The following EDNRB variants were observed in gnomAD, a reference collection of about 807,000 sequenced individuals.
The protein encoded by EDNRB is Hirschsprung disease 2.
EDNRB carries 18 observed loss-of-function variants against 46.4 expected under a neutral mutation model. The ratio of observed to expected loss-of-function variants is 0.39; its 90% CI spans 0.27 to 0.57. The LOEUF (loss-of-function observed/expected upper bound fraction) is 0.57. Among genes scored for constraint, EDNRB ranks in the 20% least tolerant of loss-of-function variants. EDNRB has a pLI of 0.61. For synonymous variants in EDNRB, 213 were observed against 204.9 expected, an observed-to-expected ratio of 1.04 and a Z score of -0.34; for missense variants, 434 against 537.5, an observed-to-expected ratio of 0.81 and a Z score of 1.90.
intron 1 of EDNRB, among the ~76,000 whole-genome samples, chr13:77,964,476 T>TA (rs1372558727): frequency 2.3e-4 from 35 of 152,294 alleles, no homozygotes; most frequent in Non-Finnish European, 4.0e-4. Context: ...ATGTCCTTTG[T>TA]TGAGACATGG....
At chr13:77,949,633 A>G (rs1308390593) in intron 1 of EDNRB, among the ~76,000 whole-genome samples, 1 of 152,138 alleles carries the variant, frequency 6.6e-6, no homozygotes, top group Non-Finnish European at 1.5e-5. Context: ...CCGCTTGGGG[A>G]TGAAAGAAAA....
chr13:77,935,705 C>T (rs1880541157), intron 1 of EDNRB, among the ~76,000 whole-genome samples: 1 of 152,170 alleles, frequency 6.6e-6, no homozygotes, highest in South Asian at 2.1e-4. Flanking sequence ...TGCGGCAGTA[C>T]AGCCCAGGTA....
At chr13:77,958,712 T>C (rs1039781346) in intron 1 of EDNRB, among the ~76,000 whole-genome samples, 3 of 152,166 alleles carry the variant, frequency 2.0e-5, no homozygotes, top group African/African-American at 7.2e-5. Context: ...TTGAGAACCT[T>C]TGCTTTATAT....
chr13:77,918,123 T>C lies in EDNRB; in HGVS notation c.451A>G (p.Ile151Val), dbSNP rs769924328. 3.1e-6 allele frequency: 5 copies of C among 1,614,102 alleles called. No homozygotes were observed. The highest frequency in any genetic ancestry group is 2.2e-5 in the South Asian group (2 of 91,088). ...ASLALGDLLH[I>V]VIDIPINVYK... ...ACATTGATAGGGATGTCAATGACGA[T>C]GTGCAGCAGGTCTCCCAGAGCCAAG... The change falls in exon 1 of 7, where the codon ATC (isoleucine) becomes GTC (valine). Residue 151 changes from isoleucine (I) to valine (V), a missense_variant. Transcript: ENST00000646607. This position sits in a 1 kb window ranked among gnomAD's most constrained non-coding sequence, Gnocchi z 4.5.
chr13:77,950,302 G>A (rs1010700831), intron 1 of EDNRB, among the ~76,000 whole-genome samples: 3 of 152,318 alleles, frequency 2.0e-5, no homozygotes, highest in South Asian at 4.1e-4. Flanking sequence ...AGTGGACAAA[G>A]GTTTCCCTTT....
chr13:77,970,783 G>A (rs1344312919), intron 1 of EDNRB, among the ~76,000 whole-genome samples: 2 of 151,868 alleles, frequency 1.3e-5, no homozygotes, highest in Non-Finnish European at 2.9e-5. Context: ...TTTTTTTAGG[G>A]TTCCAGTACA....
intron 1 of EDNRB, among the ~76,000 whole-genome samples, chr13:77,911,885 A>G (rs1170692644): frequency 2.6e-5 from 4 of 152,152 alleles, no homozygotes; most frequent in African/African-American, 4.8e-5. Flanking sequence ...TTAACTGTGC[A>G]AAGTCCTGAA....
chr13:77,896,248 A>G lies in EDNRB; in HGVS notation c.*1952T>C, dbSNP rs368094735. 17 of 371,506 alleles carry G rather than the reference A, an allele frequency of 4.6e-5. No individual in the cohort carries two copies. In the South Asian group the frequency reaches 1.5e-3, roughly 33 times the overall value. The allele number at this position is 371,506 out of a possible 1,614,324, so 23.0% of individuals were successfully genotyped here. A position where few individuals can be genotyped will look rare whatever the true frequency, so the allele number is the denominator to read the frequency against. On this transcript the variant is annotated 3_prime_UTR_variant, in exon 7 of 7. Coordinates refer to ENST00000646607, the MANE Select transcript of EDNRB (RefSeq NM_001122659.3). ...GGATGTAAAAATTCAGTACATGGTA[A>G]TAAAAATAATCTAAAATTTAAATAG...
intron 1 of EDNRB, among the ~76,000 whole-genome samples, chr13:77,964,693 G>T (rs1004533187): frequency 6.6e-6 from 1 of 152,036 alleles, no homozygotes; most frequent in Non-Finnish European, 1.5e-5. Context: ...AGAGTTAATG[G>T]GTGTAGCACA....
chr13:77,934,422 G>A (rs1478620484), intron 1 of EDNRB, among the ~76,000 whole-genome samples: 1 of 152,096 alleles, frequency 6.6e-6, no homozygotes, highest in Non-Finnish European at 1.5e-5. Context: ...AAAACTGCTT[G>A]GCTGATTTGA....
chr13:77,918,589 A>G lies in EDNRB; in HGVS notation c.-16T>C. The G allele has an allele frequency of 6.3e-7, 1 of 1,582,228 alleles. No individual in the cohort carries two copies. Among genetic ancestry groups the G allele is most frequent in the Non-Finnish European group, 8.5e-7 (1 of 1,171,150 alleles). ...GCGGCTGCATGCTGCTACCTGCTCC[A>G]GAAGGCGTCCGGTGGCCGCTCCGCA... is the stretch of plus-strand genomic sequence containing the variant. On this transcript the variant is annotated 5_prime_UTR_variant, in exon 1 of 7. Coordinates refer to ENST00000646607, the MANE Select transcript of EDNRB (RefSeq NM_001122659.3). This position sits in a 1 kb window ranked among gnomAD's most constrained non-coding sequence, Gnocchi z 4.5.
chr13:77,899,411 C>G, intron 6 of EDNRB: 1 of 79,708 alleles, frequency 1.3e-5, no homozygotes, highest in South Asian at 2.3e-4. Context: ...GAGGTAAAAC[C>G]TAAACTATTT....
At chr13:77,950,439 G>T (rs1334684840) in intron 1 of EDNRB, among the ~76,000 whole-genome samples, 1 of 152,202 alleles carries the variant, frequency 6.6e-6, no homozygotes, top group African/African-American at 2.4e-5. Flanking sequence ...AGAACATTCA[G>T]GTGGGCTGAA....
In EDNRB at chr13:77,903,181, G is replaced by T; in HGVS notation, c.776C>A (p.Pro259His). Residue 259 changes from proline (P) to histidine (H), a missense_variant, in exon 3 of 7, where the codon CCC becomes CAC. Transcript: ENST00000646607. ...CTGCATGAAAGCTGTCTTCTGAACG[G>T]GATGAAGCAAGCAGATTCGCAGATA... ...GSYLRICLLHPVQKTAFMQFY... is the reference protein window; with the variant it reads ...GSYLRICLLHHVQKTAFMQFY... 6.2e-7 allele frequency: 1 copy of T among 1,612,746 alleles called. No homozygotes were observed. Among genetic ancestry groups the T allele is most frequent in the Middle Eastern group, 1.7e-4 (1 of 6,052 alleles).
At chr13:77,930,250 A>C (rs973511857) in intron 1 of EDNRB, among the ~76,000 whole-genome samples, 2 of 152,194 alleles carry the variant, frequency 1.3e-5, no homozygotes, top group African/African-American at 4.8e-5. Context: ...AAACCAAGAA[A>C]ACTGAAAGCA....
chr13:77,918,232 C>T lies in EDNRB; in HGVS notation c.342G>A (p.Leu114=). The T allele has an allele frequency of 6.2e-7, 1 of 1,614,106 alleles. No individual in the cohort carries two copies. The change falls in exon 1 of 7, where the codon CTG becomes CTA. Residue 114 remains leucine, a synonymous_variant. Coordinates refer to ENST00000646607, the MANE Select transcript of EDNRB (RefSeq NM_001122659.3). The surrounding 1 kb of genome is among the most constrained non-coding windows in gnomAD (Gnocchi z 4.5). ...NTVVSCLVFV[L]GIIGNSTLLR... ...GAAGTGTGGAGTTCCCGATGATCCC[C>T]AGCACGAACACAAGGCAGGACACAA...
rs200363611 is a variant in EDNRB at position 77,900,651 on chromosome 13, G to A, written c.955C>T (p.Arg319Trp). The change falls in exon 5 of 7, where the codon CGG (arginine) becomes TGG (tryptophan). Residue 319 changes from arginine to tryptophan, a missense_variant. Arg to Trp is a moderately radical substitution (Grantham distance 101). Coordinates refer to ENST00000646607, the MANE Select transcript of EDNRB (RefSeq NM_001122659.3). ...CAAAAGACGGTTTTGGCCACTTCCCGTCTCTGAAATAAATCCATAGTTTGA... is the reference window on the plus strand; with the variant it reads ...CAAAAGACGGTTTTGGCCACTTCCCATCTCTGAAATAAATCCATAGTTTGA... ...IALNDHLKQR[R>W]EVAKTVFCLV... 22 of 1,612,106 alleles carry A rather than the reference G, an allele frequency of 1.4e-5. No homozygotes were observed. The highest frequency in any genetic ancestry group is 1.1e-4 in the East Asian group (5 of 44,798).
chr13:77,961,889 T>G (rs1462834454), intron 1 of EDNRB, among the ~76,000 whole-genome samples: 1 of 152,008 alleles, frequency 6.6e-6, no homozygotes, highest in Non-Finnish European at 1.5e-5. Context: ...CTATCAAGAC[T>G]AATAAAGAAG....
chr13:77,896,779 C>T lies in EDNRB; in HGVS notation c.*1421G>A. 7.6e-7 allele frequency: 1 copy of T among 1,313,716 alleles called. No individual in the cohort carries two copies. The highest frequency in any genetic ancestry group is 9.7e-7 in the Non-Finnish European group (1 of 1,031,588). 81.4% of individuals were successfully genotyped at this position (1,313,716 alleles called of 1,614,324 possible). A position where few individuals can be genotyped will look rare whatever the true frequency, so the allele number is the denominator to read the frequency against. ...TTCCTCCAACCCCACCTCATTTCCT[C>T]TCTCTTCCGTTTTCTCTTGTACATA... is the stretch of plus-strand genomic sequence containing the variant. On this transcript the variant is annotated 3_prime_UTR_variant, in exon 7 of 7. Coordinates refer to ENST00000646607, the MANE Select transcript of EDNRB (RefSeq NM_001122659.3).
Sources: gnomAD v4.1 joint callset for allele counts (sites outside exome capture counted in the v4.1 genomes callset) on GRCh38, gnomAD v4.1.1 for gene constraint, Gnocchi (gnomAD v3.1) non-coding constraint, MANE v1.5 for transcripts, NCBI Gene and HGNC (gene_info 2026-07-23, HGNC 2026-07-21) for gene names.